TRIM9: variants seen among roughly 807,000 people sequenced by gnomAD.
The protein encoded by TRIM9 is E3 ubiquitin-protein ligase TRIM9.
A neutral mutation model predicts 78.3 loss-of-function variants in TRIM9; 26 were observed. The observed-to-expected ratio is 0.33, with a 90% CI of 0.24 to 0.46. The LOEUF (loss-of-function observed/expected upper bound fraction) is 0.46, where lower values mean the gene tolerates loss of function less well. TRIM9 is among the 20% of genes least tolerant of loss of function. TRIM9 has a pLI of 1.00. For synonymous variants in TRIM9, 398 were observed against 416.5 expected, an observed-to-expected ratio of 0.96 and a Z score of 0.54; for missense variants, 787 against 1,036.4, an observed-to-expected ratio of 0.76 and a Z score of 3.30.
intron 5 of TRIM9, among the ~76,000 whole-genome samples, chr14:51,006,472 TTG>T (rs1384102985): frequency 1.3e-5 from 2 of 152,156 alleles, no homozygotes; most frequent in African/African-American, 4.8e-5. Flanking sequence ...TCAAGTTCTA[TTG>T]TGTCATGACC....
chr14:50,986,107 C>A lies in TRIM9; in HGVS notation c.1641G>T (p.Val547=). ...TACGGAGCGGCAATCTTTCCGAAGG[C>A]ACTGGAAAAGGGAGGGTCTGTTCTT... ...DSEEQTLPFP[V]PSERLPLRRM... The change falls in exon 8 of 13, where the codon GTG becomes GTT. Residue 547 remains valine (V), a synonymous_variant. Transcript: ENST00000684578. 1 of 1,543,280 alleles carries A rather than the reference C, an allele frequency of 6.5e-7. No individual in the cohort carries two copies. Among genetic ancestry groups the A allele is most frequent in the Non-Finnish European group, 8.7e-7 (1 of 1,143,148 alleles).
At chr14:50,983,052 C>CACAT in intron 9 of TRIM9, 87 bp from the exon 10 acceptor site, 1 of 1,296,468 alleles carries the variant, frequency 7.7e-7, no homozygotes, top group Non-Finnish European at 1.1e-6. Context: ...TCTTGATAGA[C>CACAT]TAGTACCCCA....
intron 1 of TRIM9, among the ~76,000 whole-genome samples, chr14:51,036,360 GA>G (rs1489137822): frequency 6.6e-6 from 1 of 152,106 alleles, no homozygotes; most frequent in Non-Finnish European, 1.5e-5. Context: ...AAGCTTGTCT[GA>G]CTCGCCTTAT....
At position 50,982,083 on chromosome 14, in the gene TRIM9, G is replaced by A. The variant is rs747306561; in HGVS notation, c.1879C>T (p.Pro627Ser). ...ATGATGTCCGAGTGCGCCGAGCCAG[G>A]GTCGAAAGCAAACCAGGCCACTGGG... ...LLAVAWFAFD[P>S]GSAHSDIILS... The change falls in exon 11 of 13, where the codon CCT (proline) becomes TCT (serine). Residue 627 changes from proline to serine, a missense_variant. By Grantham distance (74) the Pro-to-Ser change is moderately conservative. Around this residue, in one of 3 missense-constraint regions of TRIM9, gnomAD observed 421 missense variants for 514.3 expected, o/e 0.82. Transcript: ENST00000684578. The A allele has an allele frequency of 6.2e-7, 1 of 1,613,904 alleles. No homozygotes were observed.
At chr14:51,039,840 G>A (rs991531570) in intron 1 of TRIM9, among the ~76,000 whole-genome samples, 10 of 151,680 alleles carry the variant, frequency 6.6e-5, no homozygotes, top group East Asian at 1.9e-4. Flanking sequence ...TCTGCCTCCC[G>A]GGTTCACACC....
At chr14:50,980,390 T>C (rs567002134) in intron 11 of TRIM9, among the ~76,000 whole-genome samples, 2 of 152,346 alleles carry the variant, frequency 1.3e-5, no homozygotes, top group East Asian at 3.9e-4. Context: ...CTAGCAATAT[T>C]GAACTTCGTC....
At chr14:51,071,098 G>A (rs570844758) in intron 1 of TRIM9, among the ~76,000 whole-genome samples, 6 of 152,114 alleles carry the variant, frequency 3.9e-5, no homozygotes, top group South Asian at 4.1e-4. Flanking sequence ...AAGTGGAGGC[G>A]GCCAGGCACA....
At chr14:51,039,825 C>A (rs1406673091) in intron 1 of TRIM9, among the ~76,000 whole-genome samples, 1 of 151,978 alleles carries the variant, frequency 6.6e-6, no homozygotes, top group East Asian at 1.9e-4. Context: ...CAGCTCACTG[C>A]AAGCTCTGCC....
chr14:50,999,889 G>A (rs765241562), intron 6 of TRIM9, among the ~76,000 whole-genome samples: 1 of 152,164 alleles, frequency 6.6e-6, no homozygotes, highest in Non-Finnish European at 1.5e-5. Context: ...GGCAGGTGGT[G>A]GCACATGAAT....
intron 3 of TRIM9, among the ~76,000 whole-genome samples, chr14:51,011,643 T>C (rs1399272312): frequency 6.6e-6 from 1 of 152,242 alleles, no homozygotes; most frequent in Non-Finnish European, 1.5e-5. Context: ...TATTTTAAAA[T>C]GTTCCTTGTT....
intron 7 of TRIM9, among the ~76,000 whole-genome samples, chr14:50,992,683 G>A (rs1471722580): frequency 2.0e-5 from 3 of 152,152 alleles, no homozygotes; most frequent in Non-Finnish European, 4.4e-5. Flanking sequence ...GGAAGCATAA[G>A]TTTATATTTT....
At chr14:50,989,894 A>G (rs562356989) in intron 7 of TRIM9, among the ~76,000 whole-genome samples, 9 of 152,232 alleles carry the variant, frequency 5.9e-5, no homozygotes, top group Admixed American at 4.6e-4. Context: ...AAGGGCAGAG[A>G]CCTCTGCTTA....
intron 1 of TRIM9, among the ~76,000 whole-genome samples, chr14:51,028,296 A>C (rs1485671331): frequency 3.3e-5 from 5 of 152,234 alleles, no homozygotes; most frequent in African/African-American, 1.2e-4. Flanking sequence ...TCATTCTCTT[A>C]AGCTTTGTCC....
intron 12 of TRIM9, 48 bp from the exon 13 acceptor site, chr14:50,977,401 TC>T: frequency 1.4e-6 from 2 of 1,426,636 alleles, no homozygotes; most frequent in South Asian, 1.5e-5. Flanking sequence ...CATCCCCCTG[TC>T]CCTTTACACA....
chr14:50,978,004 G>A (rs2051289265), intron 12 of TRIM9, among the ~76,000 whole-genome samples: 1 of 152,036 alleles, frequency 6.6e-6, no homozygotes, highest in African/African-American at 2.4e-5. Context: ...TTCTTTGAAA[G>A]GGAAATGGCT....
chr14:51,056,598 C>T (rs1332623272), intron 1 of TRIM9, among the ~76,000 whole-genome samples: 2 of 152,104 alleles, frequency 1.3e-5, no homozygotes, highest in African/African-American at 4.8e-5. Flanking sequence ...CAGAGGGCAC[C>T]CACTCTGAAT....
At chr14:51,044,858 A>G (rs183323268) in intron 1 of TRIM9, among the ~76,000 whole-genome samples, 1 of 152,280 alleles carries the variant, frequency 6.6e-6, no homozygotes, top group Admixed American at 6.5e-5. Context: ...ATCTCCACTA[A>G]GTGAGAGTTT....
intron 1 of TRIM9, among the ~76,000 whole-genome samples, chr14:51,078,164 G>A (rs945778408): frequency 2.0e-4 from 31 of 152,232 alleles, no homozygotes; most frequent in African/African-American, 5.8e-4. Flanking sequence ...CAGTGAGGAC[G>A]GAGCTCTAAA....
chr14:51,021,816 G>T (rs1437729715), intron 3 of TRIM9, among the ~76,000 whole-genome samples: 1 of 152,148 alleles, frequency 6.6e-6, no homozygotes, highest in Non-Finnish European at 1.5e-5. Context: ...TGGAATATCA[G>T]ATGTCTCCTG....
Sources: allele counts gnomAD v4.1 joint callset (sites outside exome capture counted in the v4.1 genomes callset), GRCh38; gene constraint gnomAD v4.1.1; regional missense constraint gnomAD v4.1.1; transcripts MANE v1.5; gene names NCBI Gene and HGNC (gene_info 2026-07-23, HGNC 2026-07-21).